Variants in MBTPS2 observed in about 807,000 individuals in gnomAD.
MBTPS2 encodes the protein membrane-bound transcription factor site-2 protease.
MBTPS2 carries 2 observed loss-of-function variants against 35.4 expected under a neutral mutation model. The ratio of observed to expected loss-of-function variants is 0.06; its 90% CI spans 0.02 to 0.18. The LOEUF (loss-of-function observed/expected upper bound fraction) is 0.18. Among genes scored for constraint, MBTPS2 ranks in the 10% least tolerant of loss-of-function variants. The pLI is 1.00. For missense variants in MBTPS2, 244 were observed against 386.5 expected, an observed-to-expected ratio of 0.63 and a Z score of 3.09; for synonymous variants, 125 against 140.4, an observed-to-expected ratio of 0.89 and a Z score of 0.77.
intron 3 of MBTPS2, among the ~76,000 whole-genome samples, chrX:21,849,182 T>C (rs912117320): frequency 8.9e-6 from 1 of 111,813 alleles, no homozygotes; most frequent in African/African-American, 3.3e-5. Flanking sequence ...TGAATACTAA[T>C]AGATTTGACT....
At chrX:21,865,800 T>A (rs748569145) in intron 5 of MBTPS2, among the ~76,000 whole-genome samples, 2 of 112,282 alleles carry the variant, frequency 1.8e-5, no homozygotes, top group South Asian at 7.3e-4. Context: ...GTGGTTTTTT[T>A]TTATTATTAT....
Position 21,885,051 on chromosome X carries a change from G to T in MBTPS2, c.*2396G>T. 1 of 752,493 alleles carries T rather than the reference G, an allele frequency of 1.3e-6. No homozygotes were observed. The highest frequency in any genetic ancestry group is 1.6e-6 in the Non-Finnish European group (1 of 637,951). 62.0% of individuals were successfully genotyped at this position (752,493 alleles called of 1,213,427 possible). A position where few individuals can be genotyped will look rare whatever the true frequency, so the allele number is the denominator to read the frequency against. The stretch of plus-strand genomic sequence containing the variant: ...ACTTTATTCTCAGTGTTCCTACTCT[G>T]CATTGTTTACATTTTTGACAGTTTT... On this transcript the variant is annotated 3_prime_UTR_variant, in exon 11 of 11. Coordinates refer to ENST00000379484, the MANE Select transcript of MBTPS2 (RefSeq NM_015884.4).
chrX:21,879,785 A>G (rs1192720714), intron 9 of MBTPS2, among the ~76,000 whole-genome samples: 1 of 110,123 alleles, frequency 9.1e-6, no homozygotes, highest in Admixed American at 9.8e-5. Context: ...GGAATATTTT[A>G]TGACTAGCTT....
intron 5 of MBTPS2, chrX:21,857,144 T>C: frequency 8.3e-7 from 1 of 1,211,870 alleles, no homozygotes; most frequent in South Asian, 1.8e-5. Flanking sequence ...AGAAACTTCC[T>C]CCTGGGGGGT....
In MBTPS2 at chrX:21,883,096, G is replaced by C; in HGVS notation, c.*441G>C. 1.3e-6 allele frequency: 1 copy of C among 786,433 alleles called. No individual in the cohort carries two copies. The highest frequency in any genetic ancestry group is 1.5e-6 in the Non-Finnish European group (1 of 658,099). 64.8% of individuals were successfully genotyped at this position (786,433 alleles called of 1,213,427 possible). A position where few individuals can be genotyped will look rare whatever the true frequency, so the allele number is the denominator to read the frequency against. On this transcript the variant is annotated 3_prime_UTR_variant, in exon 11 of 11. Coordinates refer to ENST00000379484, the MANE Select transcript of MBTPS2 (RefSeq NM_015884.4). ...GGAAGGATGACCATTGTCTTGGCCT[G>C]TATCTCTTGTCCTTTGTCTTGTTTG...
chrX:21,847,188 C>T (rs1320597758), intron 3 of MBTPS2, among the ~76,000 whole-genome samples: 2 of 111,591 alleles, frequency 1.8e-5, no homozygotes, highest in South Asian at 3.7e-4. Flanking sequence ...AATGGCAAAA[C>T]GTTGTTTAGA....
chrX:21,884,855 T>G lies in MBTPS2; in HGVS notation c.*2200T>G, dbSNP rs2092962990. 1 of 712,049 alleles carries G rather than the reference T, an allele frequency of 1.4e-6. No individual in the cohort carries two copies. The highest frequency in any genetic ancestry group is 8.9e-5 in the Admixed American group (1 of 11,277). 58.7% of individuals were successfully genotyped at this position (712,049 alleles called of 1,213,427 possible). On this transcript the variant is annotated 3_prime_UTR_variant, in exon 11 of 11. Coordinates refer to ENST00000379484, the MANE Select transcript of MBTPS2 (RefSeq NM_015884.4). ...AAAAAGTATTATTGAATATTTACTG[T>G]AAATATATGTTCACATAAAAAAATA...
intron 7 of MBTPS2, among the ~76,000 whole-genome samples, chrX:21,876,437 G>T (rs763639854): frequency 2.7e-5 from 3 of 110,426 alleles, no homozygotes; most frequent in Non-Finnish European, 5.7e-5. Context: ...ATGGTGGCAC[G>T]TGCCTGTAAT....
At chrX:21,874,202 T>C (rs1426192551) in intron 7 of MBTPS2, among the ~76,000 whole-genome samples, 1 of 106,763 alleles carries the variant, frequency 9.4e-6, no homozygotes, top group East Asian at 2.9e-4. Context: ...TTTGTATTTT[T>C]TTAGTAGAGA....
chrX:21,857,847 AGTTTG>A (rs2092925546), intron 5 of MBTPS2: 5 of 310,235 alleles, frequency 1.6e-5, no homozygotes, highest in Admixed American at 5.9e-5. Context: ...ATTTTTGTAA[AGTTTG>A]GTCCCAACAG....
Position 21,878,525 on chromosome X carries a change from T to C in MBTPS2, c.1094T>C (p.Val365Ala). ...ACATGTCTTCCTGCCCGGAAAGCAG[T>C]TGAAGCAACTCAAGTTTGCAGAACC... ...LHTCLPARKA[V>A]EATQVCRTNK... is the part of the protein sequence containing the mutation. The change falls in exon 9 of 11, where the codon GTT becomes GCT. Residue 365 changes from valine (V) to alanine (A), a missense_variant. Coordinates refer to ENST00000379484, the MANE Select transcript of MBTPS2 (RefSeq NM_015884.4). 3.3e-6 allele frequency: 4 copies of C among 1,209,330 alleles called. No homozygotes were observed. The highest frequency in any genetic ancestry group is 2.2e-6 in the Non-Finnish European group (2 of 893,157).
chrX:21,862,967 T>TATATATATATATATAA lies in MBTPS2; in HGVS notation c.671-5499_671-5498insTATATATATATATAAA, dbSNP rs1283198445. Among the ~76,000 whole-genome samples, 30 of 58,351 alleles carry TATATATATATATATAA rather than the reference T, an allele frequency of 5.1e-4. 1 individual carries two copies. Among genetic ancestry groups the TATATATATATATATAA allele is most frequent in the Non-Finnish European group, 8.1e-4 (26 of 32,262 alleles). The allele number at this position is 58,351 out of a possible 115,157, so 50.7% of individuals were successfully genotyped here. On this transcript the variant is annotated intron_variant, in intron 5 of 10. Transcript: ENST00000379484. Reference sequence around the variant, plus strand: ...ATATATATATATATATATATATATATAAAACCGACTGGGCGCGGTGGCTCA... The same window carrying TATATATATATATATAA: ...ATATATATATATATATATATATATATATATATATATATATAAAAAACCGACTGGGCGCGGTGGCTCA...
chrX:21,848,553 G>A (rs1021558599), intron 3 of MBTPS2, among the ~76,000 whole-genome samples: 2 of 109,423 alleles, frequency 1.8e-5, no homozygotes, highest in Admixed American at 9.7e-5. Flanking sequence ...GGTGGCGGAC[G>A]CATGTAGTCC....
chrX:21,872,127 GTTC>G (rs757227027), intron 7 of MBTPS2: 3 of 111,503 alleles, frequency 2.7e-5, no homozygotes, highest in Non-Finnish European at 5.7e-5. Context: ...TCCACAATGT[GTTC>G]TTCTTTAAAG....
chrX:21,866,559 T>C (rs1243425505), intron 5 of MBTPS2, among the ~76,000 whole-genome samples: 1 of 111,278 alleles, frequency 9.0e-6, no homozygotes, highest in Non-Finnish European at 1.9e-5. Context: ...ATGTGACATA[T>C]AAAAAATAAA....
chrX:21,855,805 C>T (rs958932836), intron 5 of MBTPS2, among the ~76,000 whole-genome samples: 7 of 104,866 alleles, frequency 6.7e-5, no homozygotes, highest in East Asian at 3.1e-4. Context: ...GCCGAGATCG[C>T]GCGCCACTGC....
chrX:21,856,203 C>T (rs957053927), intron 5 of MBTPS2: 4 of 316,813 alleles, frequency 1.3e-5, no homozygotes, highest in Admixed American at 5.5e-5. Context: ...GGCCGACAGA[C>T]GCGCCAGTTG....
At chrX:21,842,590 G>GC (rs1181205852) in intron 1 of MBTPS2, among the ~76,000 whole-genome samples, 38 of 110,264 alleles carry the variant, frequency 3.4e-4, no homozygotes, top group African/African-American at 1.2e-3. Context: ...ACGAAGTAAT[G>GC]CCCCCCCCAA....
At chrX:21,852,685 AG>A in intron 4 of MBTPS2, among the ~76,000 whole-genome samples, 1 of 111,019 alleles carries the variant, frequency 9.0e-6, no homozygotes, top group Non-Finnish European at 1.9e-5. Context: ...TTATATATTT[AG>A]TATTAAGCAA....
Sources: allele counts gnomAD v4.1 joint callset (sites outside exome capture counted in the v4.1 genomes callset), GRCh38; gene constraint gnomAD v4.1.1; transcripts MANE v1.5; gene names NCBI Gene and HGNC (gene_info 2026-07-23, HGNC 2026-07-21).